The following FHL5 variants were observed in gnomAD, a reference collection of about 807,000 sequenced individuals.
FHL5 encodes the protein four and a half LIM domains protein 5.
A neutral mutation model predicts 32.0 loss-of-function variants in FHL5; 33 were observed. The observed-to-expected ratio is 1.03, with a 90% confidence interval of 0.78 to 1.38. The LOEUF (loss-of-function observed/expected upper bound fraction) is 1.38, where lower values mean the gene tolerates loss of function less well. Ranked by LOEUF, FHL5 falls within the 40% of genes most tolerant of loss-of-function variation. The probability of loss-of-function intolerance (pLI) is 0.00; values close to 1 mark genes in which losing one functional copy is unlikely to be tolerated. For synonymous variants in FHL5, 114 were observed against 113.6 expected, an observed-to-expected ratio of 1.00 and a Z score of -0.02; for missense variants, 336 against 343.9, an observed-to-expected ratio of 0.98 and a Z score of 0.18.
intron 1 of FHL5, among the ~76,000 whole-genome samples, chr6:96,568,307 T>C (rs1169554894): frequency 2.0e-5 from 3 of 151,834 alleles, no homozygotes; most frequent in East Asian, 1.9e-4. Flanking sequence ...ATCCCTGAGG[T>C]AAATCTTACC....
chr6:96,597,274 T>C (rs1387672715), intron 1 of FHL5, among the ~76,000 whole-genome samples: 1 of 151,846 alleles, frequency 6.6e-6, no homozygotes, highest in Admixed American at 6.6e-5. Flanking sequence ...TTCATGTAAA[T>C]TGATTAATAT....
At chr6:96,567,088 CTA>C (rs1419309465) in intron 1 of FHL5, among the ~76,000 whole-genome samples, 1 of 151,922 alleles carries the variant, frequency 6.6e-6, no homozygotes, top group Non-Finnish European at 1.5e-5. Context: ...AGTATTTCCC[CTA>C]TGTTTGCTTC....
intron 1 of FHL5, among the ~76,000 whole-genome samples, chr6:96,601,774 C>CA: frequency 6.6e-6 from 1 of 152,246 alleles, no homozygotes; most frequent in South Asian, 2.1e-4. Flanking sequence ...AAGTGACAAA[C>CA]ACTTGATCGC....
At chr6:96,590,738 A>G (rs1229863039) in intron 1 of FHL5, among the ~76,000 whole-genome samples, 1 of 152,066 alleles carries the variant, frequency 6.6e-6, no homozygotes, top group Non-Finnish European at 1.5e-5. Flanking sequence ...GTTTTTTTAA[A>G]CCACATTGAA....
intron 1 of FHL5, among the ~76,000 whole-genome samples, chr6:96,581,702 A>C (rs1237817836): frequency 6.6e-6 from 1 of 152,232 alleles, no homozygotes; most frequent in African/African-American, 2.4e-5. Flanking sequence ...GCCTCTCTGC[A>C]CTGCTGAAAA....
intron 1 of FHL5, among the ~76,000 whole-genome samples, chr6:96,570,437 G>A (rs917160920): frequency 3.9e-5 from 6 of 152,052 alleles, no homozygotes; most frequent in Non-Finnish European, 5.9e-5. Flanking sequence ...TGCCTATAAT[G>A]TACCTCTAAG....
intron 5 of FHL5, among the ~76,000 whole-genome samples, chr6:96,612,807 C>T (rs1771439577): frequency 6.6e-6 from 1 of 152,112 alleles, no homozygotes; most frequent in South Asian, 2.1e-4. Context: ...TTACAACTCA[C>T]TTTACTATTT....
chr6:96,569,475 T>C (rs1025059629), intron 1 of FHL5, among the ~76,000 whole-genome samples: 2 of 152,088 alleles, frequency 1.3e-5, no homozygotes, highest in Non-Finnish European at 2.9e-5. Context: ...TTAAATTAAA[T>C]GTTTCTTTGT....
In FHL5 at chr6:96,586,965, G is replaced by A. The variant is rs546183735; in HGVS notation, c.-12-16637G>A. The stretch of plus-strand genomic sequence containing the variant: ...AGATGAAACACGGCTTTGCCAGTCC[G>A]ATCCTGAAGACAAAGCACAATCAAA... On this transcript the variant is annotated intron_variant, in intron 1 of 5. Coordinates refer to ENST00000450218, the MANE Select transcript of FHL5 (RefSeq NM_001322466.2). 4.7e-4 allele frequency among the ~76,000 whole-genome samples: 71 copies of A among 152,142 alleles called. 1 individual carries two copies. Among genetic ancestry groups the A allele is most frequent in the Non-Finnish European group, 9.0e-4 (61 of 68,028 alleles).
At chr6:96,589,337 T>C (rs747087325) in intron 1 of FHL5, among the ~76,000 whole-genome samples, 1 of 152,160 alleles carries the variant, frequency 6.6e-6, no homozygotes, top group Non-Finnish European at 1.5e-5. Flanking sequence ...TGCTTTTGAA[T>C]ATTGTATTTT....
At chr6:96,591,282 G>A (rs1042880928) in intron 1 of FHL5, among the ~76,000 whole-genome samples, 12 of 151,818 alleles carry the variant, frequency 7.9e-5, no homozygotes, top group African/African-American at 2.9e-4. Flanking sequence ...ATTTCTTCTT[G>A]TGTCAATTTT....
At chr6:96,600,277 G>T (rs1771122059) in intron 1 of FHL5, among the ~76,000 whole-genome samples, 1 of 152,136 alleles carries the variant, frequency 6.6e-6, no homozygotes, top group South Asian at 2.1e-4. Context: ...GGTAGGGTGA[G>T]AACAGAAAAA....
At chr6:96,598,444 G>T (rs368623251) in intron 1 of FHL5, among the ~76,000 whole-genome samples, 1 of 152,140 alleles carries the variant, frequency 6.6e-6, no homozygotes, top group African/African-American at 2.4e-5. Context: ...GTTTGGGAAG[G>T]CCAATCCATA....
chr6:96,604,829 C>A lies in FHL5; in HGVS notation c.239C>A (p.Pro80His), dbSNP rs766094822. 1 of 1,613,906 alleles carries A rather than the reference C, an allele frequency of 6.2e-7. No individual in the cohort carries two copies. The highest frequency in any genetic ancestry group is 8.5e-7 in the Non-Finnish European group (1 of 1,179,916). ...TGCAATCACTCTTTGGTGGAAAAGC[C>A]TTTTGCTGCCAAGGATGAGCGCCTG... Reference protein sequence around the residue: ...TKCNHSLVEKPFAAKDERLLC... With the variant: ...TKCNHSLVEKHFAAKDERLLC... Residue 80 changes from proline (P) to histidine (H), a missense_variant, in exon 3 of 6, where the codon CCT (proline) becomes CAT (histidine). Transcript: ENST00000450218.
intron 1 of FHL5, among the ~76,000 whole-genome samples, chr6:96,601,439 C>T (rs893721659): frequency 1.6e-4 from 25 of 152,114 alleles, no homozygotes; most frequent in Non-Finnish European, 2.6e-4. Context: ...GGAGAAGGAC[C>T]GTCTTGTCTT....
At chr6:96,576,655 T>C (rs1470361503) in intron 1 of FHL5, among the ~76,000 whole-genome samples, 7 of 152,268 alleles carry the variant, frequency 4.6e-5, no homozygotes, top group Admixed American at 3.9e-4. Context: ...GGGAGCTGTT[T>C]AAAGTGAAAA....
chr6:96,594,014 A>C (rs1770975848), intron 1 of FHL5, among the ~76,000 whole-genome samples: 1 of 151,548 alleles, frequency 6.6e-6, no homozygotes, highest in Non-Finnish European at 1.5e-5. Context: ...TTTCATTTCA[A>C]GGTTGCTGAT....
Position 96,617,357 on chromosome 6 carries a change from A to G in FHL5, c.*1585A>G, listed in dbSNP as rs1562068674. On this transcript the variant is annotated 3_prime_UTR_variant, in exon 6 of 6. Coordinates refer to ENST00000450218, the MANE Select transcript of FHL5 (RefSeq NM_001322466.2). ...TACTGCTGATTACAATTACCAAAAT[A>G]GCATCACAGGAGATTCAATTAAAAT... 6.6e-6 allele frequency among the ~76,000 whole-genome samples: 1 copy of G among 152,256 alleles called. No homozygotes were observed. The highest frequency in any genetic ancestry group is 1.5e-5 in the Non-Finnish European group (1 of 68,040).
In FHL5 at chr6:96,617,515, G is replaced by A. The variant is rs1771547704; in HGVS notation, c.*1743G>A. Among the ~76,000 whole-genome samples, 3 of 152,142 alleles carry A rather than the reference G, an allele frequency of 2.0e-5. No individual in the cohort carries two copies. Among genetic ancestry groups the A allele is most frequent in the Admixed American group, 2.0e-4 (3 of 15,272 alleles). On this transcript the variant is annotated 3_prime_UTR_variant, in exon 6 of 6. Transcript: ENST00000450218. The stretch of plus-strand genomic sequence containing the variant: ...ATAAATGTATTTTTGGATTAACAAT[G>A]CCAAGGTATTTTTTCATATTCACAT...
Sources: gnomAD v4.1 joint callset for allele counts (sites outside exome capture counted in the v4.1 genomes callset) on GRCh38, gnomAD v4.1.1 for gene constraint, MANE v1.5 for transcripts, NCBI Gene and HGNC (gene_info 2026-07-23, HGNC 2026-07-21) for gene names.